KCNQ5: variants seen among roughly 807,000 people sequenced by gnomAD.
KCNQ5 encodes the protein potassium voltage-gated channel subfamily Q member 5.
A neutral mutation model predicts 98.2 loss-of-function variants in KCNQ5; 30 were observed. That is an observed-to-expected ratio of 0.31 (90% CI 0.23 to 0.41). KCNQ5 has a LOEUF of 0.41. Ranked by LOEUF, KCNQ5 falls within the 10% of genes least tolerant of loss-of-function variation. The pLI is 1.00. For synonymous variants in KCNQ5, 458 were observed against 449.4 expected, an observed-to-expected ratio of 1.02 and a Z score of -0.24; for missense variants, 835 against 1,182.5, an observed-to-expected ratio of 0.71 and a Z score of 4.31.
intron 1 of KCNQ5, among the ~76,000 whole-genome samples, chr6:72,770,508 C>A (rs1014034020): frequency 1.3e-5 from 2 of 152,000 alleles, no homozygotes; most frequent in African/African-American, 4.8e-5. Flanking sequence ...ATCTGCAGAA[C>A]AATCAGTTTT....
At chr6:73,157,761 G>C (rs1777426407) in intron 10 of KCNQ5, 1 of 778,530 alleles carries the variant, frequency 1.3e-6, no homozygotes. Context: ...TGTGCTCCTA[G>C]GTGGGGTGCA....
intron 2 of KCNQ5, among the ~76,000 whole-genome samples, chr6:73,005,874 T>C (rs1448818663): frequency 6.6e-6 from 1 of 152,214 alleles, no homozygotes; most frequent in East Asian, 1.9e-4. Flanking sequence ...CTTTGTACTA[T>C]AGTGATACAT....
At chr6:72,968,145 CA>C (rs1767707943) in intron 1 of KCNQ5, among the ~76,000 whole-genome samples, 1 of 152,156 alleles carries the variant, frequency 6.6e-6, no homozygotes, top group Admixed American at 6.6e-5. Context: ...TACAAACACA[CA>C]CACACTCACA....
chr6:72,890,758 A>C (rs1366502476), intron 1 of KCNQ5, among the ~76,000 whole-genome samples: 2 of 152,240 alleles, frequency 1.3e-5, no homozygotes, highest in African/African-American at 4.8e-5. Context: ...CAAGCTTTGC[A>C]AAAGCCCCAC....
intron 2 of KCNQ5, among the ~76,000 whole-genome samples, chr6:73,039,292 A>G (rs1318184095): frequency 1.3e-5 from 2 of 151,970 alleles, no homozygotes; most frequent in African/African-American, 2.4e-5. Flanking sequence ...TGGATTTTCC[A>G]TATTGTTTTC....
At chr6:73,157,916 C>G (rs931011679) in intron 10 of KCNQ5, 14 of 774,730 alleles carry the variant, frequency 1.8e-5, no homozygotes, top group Middle Eastern at 2.6e-4. Context: ...GCTCCTGCCC[C>G]GCTGTCAAAG....
intron 1 of KCNQ5, among the ~76,000 whole-genome samples, chr6:72,969,390 C>T (rs1412762767): frequency 6.6e-6 from 1 of 152,134 alleles, no homozygotes; most frequent in Non-Finnish European, 1.5e-5. Context: ...ACCATGTAAA[C>T]TTGCTGAAAT....
At chr6:72,750,598 TGA>T (rs745644691) in intron 1 of KCNQ5, among the ~76,000 whole-genome samples, 2,688 of 152,170 alleles carry the variant, frequency 0.018, 41 homozygotes, top group Middle Eastern at 0.048. Context: ...TAAGTTCACT[TGA>T]TTAAAAAGGT....
At chr6:72,847,016 G>A (rs1162277947) in intron 1 of KCNQ5, among the ~76,000 whole-genome samples, 3 of 151,894 alleles carry the variant, frequency 2.0e-5, no homozygotes, top group Admixed American at 6.6e-5. Flanking sequence ...TCTGTGCTAG[G>A]GGATATATGG....
intron 1 of KCNQ5, among the ~76,000 whole-genome samples, chr6:72,754,542 C>T (rs141452264): frequency 5.5e-4 from 83 of 152,138 alleles, no homozygotes; most frequent in African/African-American, 1.5e-3. Context: ...GGATTTTCTA[C>T]GGGCATCTAG....
intron 8 of KCNQ5, 150 bp from the exon 9 acceptor site, chr6:73,124,336 T>A: frequency 1.4e-6 from 1 of 703,798 alleles, no homozygotes; most frequent in South Asian, 1.6e-5. Context: ...TGAGTACATT[T>A]ATTATAAAGA....
chr6:72,878,027 T>C (rs1778488126), intron 1 of KCNQ5, among the ~76,000 whole-genome samples: 2 of 152,186 alleles, frequency 1.3e-5, no homozygotes, highest in South Asian at 4.1e-4. Flanking sequence ...TCCCAGCACT[T>C]TGGGAGGCCG....
chr6:73,120,340 T>C (rs1261887772), intron 7 of KCNQ5, 143 bp from the exon 8 acceptor site: 10 of 457,574 alleles, frequency 2.2e-5, no homozygotes, highest in Non-Finnish European at 3.4e-5. Flanking sequence ...AGTAGCCTTC[T>C]TCCTCCTTTG....
At chr6:73,147,235 TGTACAATGCCCAGCACAGAATA>T (rs1776959726) in intron 10 of KCNQ5, among the ~76,000 whole-genome samples, 1 of 152,134 alleles carries the variant, frequency 6.6e-6, no homozygotes, top group Non-Finnish European at 1.5e-5. Context: ...GTAAAATTCT[TGTACAATGCCCAGCACAGAATA>T]GGTGCTCAAT....
At chr6:72,832,242 A>G (rs1385347715) in intron 1 of KCNQ5, among the ~76,000 whole-genome samples, 1 of 152,076 alleles carries the variant, frequency 6.6e-6, no homozygotes, top group East Asian at 1.9e-4. Context: ...GTGGCAATGG[A>G]TAAGATGTTT....
At chr6:72,721,357 TACAA>T (rs1157987684) in intron 1 of KCNQ5, among the ~76,000 whole-genome samples, 2 of 152,210 alleles carry the variant, frequency 1.3e-5, no homozygotes, top group Admixed American at 6.5e-5. Flanking sequence ...TGATAAATCT[TACAA>T]ACAAACTAGT....
intron 5 of KCNQ5, among the ~76,000 whole-genome samples, chr6:73,090,393 G>A (rs1323756748): frequency 4.6e-5 from 7 of 151,954 alleles, no homozygotes; most frequent in African/African-American, 1.5e-4. Flanking sequence ...TTCTTTTGCC[G>A]TGCAAAAGCT....
At chr6:72,736,942 A>G (rs1393085375) in intron 1 of KCNQ5, among the ~76,000 whole-genome samples, 1 of 149,824 alleles carries the variant, frequency 6.7e-6, no homozygotes, top group Non-Finnish European at 1.5e-5. Flanking sequence ...TGTCAACTGT[A>G]TGATGAATAT....
chr6:73,119,006 G>A (rs1454906819), intron 7 of KCNQ5, among the ~76,000 whole-genome samples: 1 of 152,220 alleles, frequency 6.6e-6, no homozygotes, highest in Non-Finnish European at 1.5e-5. Flanking sequence ...GGGGGACAGA[G>A]GGAGACCCTG....
Sources: gnomAD v4.1 joint callset for allele counts (sites outside exome capture counted in the v4.1 genomes callset) on GRCh38, gnomAD v4.1.1 for gene constraint, MANE v1.5 for transcripts, NCBI Gene and HGNC (gene_info 2026-07-23, HGNC 2026-07-21) for gene names.